The following DMC1 variants were observed in gnomAD, a reference collection of about 807,000 sequenced individuals.
The protein encoded by DMC1 is DNA meiotic recombinase 1.
Under a neutral mutation model 50.1 loss-of-function variants are expected in DMC1, and 27 were observed. That is an observed-to-expected ratio of 0.54 (90% confidence interval 0.40 to 0.74). DMC1 has a LOEUF of 0.74. Among genes scored for constraint, DMC1 ranks in the 30% least tolerant of loss-of-function variants. The pLI is 0.00. For synonymous variants in DMC1, 148 were observed against 136.1 expected, an observed-to-expected ratio of 1.09 and a Z score of -0.61; for missense variants, 295 against 420.2, an observed-to-expected ratio of 0.70 and a Z score of 2.60.
At chr22:38,526,009 G>A (rs2090084234) in intron 12 of DMC1, among the ~76,000 whole-genome samples, 1 of 151,798 alleles carries the variant, frequency 6.6e-6, no homozygotes, top group South Asian at 2.1e-4. Context: ...ATATTATGGG[G>A]ATAAAAAAGT....
At chr22:38,535,486 G>A (rs1602728768) in intron 12 of DMC1, among the ~76,000 whole-genome samples, 1 of 152,042 alleles carries the variant, frequency 6.6e-6, no homozygotes, top group Admixed American at 6.6e-5. Context: ...GATGAACCTA[G>A]ATAAATGAGT....
At chr22:38,561,822 T>C (rs937069929) in intron 5 of DMC1, among the ~76,000 whole-genome samples, 2 of 152,134 alleles carry the variant, frequency 1.3e-5, no homozygotes, top group African/African-American at 4.8e-5. Flanking sequence ...TTTAGTAAAC[T>C]TGCATTGAGA....
chr22:38,510,958 C>A, the DMC1 span, among the ~76,000 whole-genome samples: 1 of 152,200 alleles, frequency 6.6e-6, no homozygotes. Context: ...TCAACCAGCT[C>A]TTCTAATACA....
chr22:38,552,842 C>T (rs2090427094), intron 6 of DMC1, 135 bp from the exon 7 acceptor site: 1 of 667,388 alleles, frequency 1.5e-6, no homozygotes. Flanking sequence ...TAAAGTATCT[C>T]GGATGTTATT....
intron 12 of DMC1, among the ~76,000 whole-genome samples, chr22:38,524,121 A>C (rs532759098): frequency 6.6e-6 from 1 of 152,228 alleles, no homozygotes; most frequent in East Asian, 1.9e-4. Context: ...CTTTATAAAG[A>C]AAATAAGGGC....
intron 11 of DMC1, 46 bp downstream of exon 11, chr22:38,538,249 A>G: frequency 6.7e-7 from 1 of 1,499,058 alleles, no homozygotes; most frequent in Non-Finnish European, 9.3e-7. Context: ...TGCAAAGTAT[A>G]CTTGACAAAC....
At chr22:38,530,112 A>AC (rs1226011226) in intron 12 of DMC1, among the ~76,000 whole-genome samples, 38 of 151,532 alleles carry the variant, frequency 2.5e-4, no homozygotes, top group East Asian at 1.7e-3. Flanking sequence ...GATTACAGGA[A>AC]CCCCCCACCA....
Position 38,519,949 on chromosome 22 carries a change from A to C in DMC1, c.*71T>G. The C allele has an allele frequency of 1.6e-6, 2 of 1,274,158 alleles. No individual in the cohort carries two copies. The highest frequency in any genetic ancestry group is 2.3e-6 in the Non-Finnish European group (2 of 872,696). The allele number at this position is 1,274,158 out of a possible 1,614,324, so 78.9% of individuals were successfully genotyped here. On this transcript the variant is annotated 3_prime_UTR_variant, in exon 14 of 14. Transcript: ENST00000216024. ...AAAAAACCTCTATTTCAAGATGTGA[A>C]ATTGGAGACTGCTTTTCCATTTCTT... is the stretch of plus-strand genomic sequence containing the variant.
chr22:38,542,206 GCAAT>G (rs1314047660), intron 8 of DMC1, among the ~76,000 whole-genome samples: 2 of 151,292 alleles, frequency 1.3e-5, no homozygotes, highest in Non-Finnish European at 2.9e-5. Flanking sequence ...CCTAGCTAGA[GCAAT>G]CAGACAAGAG....
chr22:38,569,183 C>CA (rs68020528), intron 1 of DMC1: 35,285 of 95,152 alleles, frequency 0.37, 4,934 homozygotes, highest in Middle Eastern at 0.47. Context: ...GACTCAGTCT[C>CA]AAAAAAAAAA....
chr22:38,517,861 A>G (rs1160800081), downstream of DMC1, among the ~76,000 whole-genome samples: 1 of 152,114 alleles, frequency 6.6e-6, no homozygotes. Flanking sequence ...AGTATCCTGC[A>G]TTGTGAACAA....
At chr22:38,555,833 A>T (rs1044041348) in intron 5 of DMC1, among the ~76,000 whole-genome samples, 3 of 151,306 alleles carry the variant, frequency 2.0e-5, no homozygotes, top group East Asian at 1.9e-4. Flanking sequence ...TATTATTATT[A>T]TTATTTTTTT....
chr22:38,550,140 T>G, intron 7 of DMC1, 143 bp from the exon 8 acceptor site: 2 of 649,390 alleles, frequency 3.1e-6, no homozygotes, highest in Non-Finnish European at 5.5e-6. Flanking sequence ...AAACAACATG[T>G]TATATTTTCA....
At chr22:38,559,613 G>A (rs1339870917) in intron 5 of DMC1, among the ~76,000 whole-genome samples, 1 of 152,078 alleles carries the variant, frequency 6.6e-6, no homozygotes, top group Non-Finnish European at 1.5e-5. Flanking sequence ...AATATTTATT[G>A]CACACCTAGT....
chr22:38,562,677 T>C (rs2090539722), intron 4 of DMC1, among the ~76,000 whole-genome samples: 1 of 151,890 alleles, frequency 6.6e-6, no homozygotes, highest in Admixed American at 6.6e-5. Context: ...GGAGTAGCTG[T>C]GAAAATTAAA....
intron 5 of DMC1, among the ~76,000 whole-genome samples, chr22:38,560,773 G>A (rs1036052708): frequency 4.0e-5 from 6 of 151,748 alleles, no homozygotes; most frequent in African/African-American, 1.5e-4. Flanking sequence ...ATGAACCATC[G>A]TGTCTATCAC....
the DMC1 span, among the ~76,000 whole-genome samples, chr22:38,509,721 G>A: frequency 1.3e-5 from 2 of 152,058 alleles, no homozygotes; most frequent in Admixed American, 1.3e-4. Context: ...CCAGGCTGGA[G>A]TGCAATGGCG....
chr22:38,524,032 T>C (rs2090059549), intron 12 of DMC1, among the ~76,000 whole-genome samples: 1 of 152,200 alleles, frequency 6.6e-6, no homozygotes, highest in Non-Finnish European at 1.5e-5. Flanking sequence ...ATGGTTGGCT[T>C]TACTGCCTCA....
chr22:38,513,743 A>G, the DMC1 span, among the ~76,000 whole-genome samples: 4 of 151,976 alleles, frequency 2.6e-5, no homozygotes, highest in African/African-American at 9.7e-5. Context: ...AAACCCGACT[A>G]ATTTTTTTGT....
Sources: allele counts gnomAD v4.1 joint callset (sites outside exome capture counted in the v4.1 genomes callset), GRCh38; gene constraint gnomAD v4.1.1; transcripts MANE v1.5; gene names NCBI Gene and HGNC (gene_info 2026-07-23, HGNC 2026-07-21).